Variants in FHOD3 observed in about 807,000 individuals in gnomAD.
The protein encoded by FHOD3 is FH1/FH2 domain-containing protein 3.
A neutral mutation model predicts 173.0 loss-of-function variants in FHOD3; 90 were observed. The ratio of observed to expected loss-of-function variants is 0.52; its 90% CI spans 0.44 to 0.62. The LOEUF (loss-of-function observed/expected upper bound fraction) is 0.62. FHOD3 is among the 20% of genes least tolerant of loss of function. The probability of loss-of-function intolerance (pLI) is 0.00; values close to 1 mark genes in which losing one functional copy is unlikely to be tolerated. For synonymous variants in FHOD3, 828 were observed against 823.0 expected, an observed-to-expected ratio of 1.01 and a Z score of -0.10; for missense variants, 1,945 against 2,034.7, an observed-to-expected ratio of 0.96 and a Z score of 0.85.
intron 16 of FHOD3, among the ~76,000 whole-genome samples, chr18:36,690,928 A>G (rs1324264945): frequency 6.6e-6 from 1 of 152,124 alleles, no homozygotes; most frequent in Non-Finnish European, 1.5e-5. Context: ...CTCTGCTTCT[A>G]CCATTTTTGT....
intron 28 of FHOD3, chr18:36,779,147 G>C: frequency 2.5e-6 from 1 of 404,224 alleles, no homozygotes; most frequent in South Asian, 4.0e-5. Flanking sequence ...CAGAAGCCTC[G>C]TGAGGGTGAG....
At chr18:36,627,918 T>C (rs753076557) in intron 10 of FHOD3, among the ~76,000 whole-genome samples, 67 of 152,324 alleles carry the variant, frequency 4.4e-4, no homozygotes, top group Non-Finnish European at 6.9e-4. Context: ...CTGCCTCATG[T>C]ACATATATGC....
intron 13 of FHOD3, among the ~76,000 whole-genome samples, chr18:36,657,398 C>A (rs548183105): frequency 2.2e-4 from 33 of 152,158 alleles, no homozygotes; most frequent in Admixed American, 3.9e-4. Flanking sequence ...AAACAGAAAT[C>A]TAGAATTTTA....
At chr18:36,451,630 C>A (rs1296972309) in intron 3 of FHOD3, among the ~76,000 whole-genome samples, 6 of 152,190 alleles carry the variant, frequency 3.9e-5, no homozygotes, top group Non-Finnish European at 8.8e-5. Flanking sequence ...CCTCCGGTGT[C>A]TTGGGTTCTG....
intron 3 of FHOD3, among the ~76,000 whole-genome samples, chr18:36,434,290 C>T (rs746158055): frequency 3.9e-5 from 6 of 152,128 alleles, no homozygotes; most frequent in Admixed American, 1.3e-4. Context: ...TATTAATAGT[C>T]GTTCAAACAC....
intron 3 of FHOD3, among the ~76,000 whole-genome samples, chr18:36,375,136 T>C (rs1354658737): frequency 1.3e-5 from 2 of 152,238 alleles, no homozygotes; most frequent in African/African-American, 4.8e-5. Context: ...TATTGTGACA[T>C]ATTCTTTCCC....
intron 23 of FHOD3, among the ~76,000 whole-genome samples, chr18:36,746,320 C>A (rs1412344725): frequency 6.6e-6 from 1 of 152,190 alleles, no homozygotes; most frequent in Non-Finnish European, 1.5e-5. Context: ...CCTGTGGGTA[C>A]AGTTAGCCTC....
At chr18:36,661,693 G>A (rs2036814923) in intron 14 of FHOD3, among the ~76,000 whole-genome samples, 1 of 152,108 alleles carries the variant, frequency 6.6e-6, no homozygotes, top group Non-Finnish European at 1.5e-5. Flanking sequence ...TCCCCAACAA[G>A]TATATTCATG....
At chr18:36,488,435 CCTGT>C (rs2054299037) in intron 3 of FHOD3, among the ~76,000 whole-genome samples, 1 of 152,168 alleles carries the variant, frequency 6.6e-6, no homozygotes, top group African/African-American at 2.4e-5. Flanking sequence ...CCAGCTGGGG[CCTGT>C]CTGAGCTCAG....
chr18:36,615,521 C>T (rs1253679720), intron 9 of FHOD3, among the ~76,000 whole-genome samples: 1 of 152,128 alleles, frequency 6.6e-6, no homozygotes, highest in Non-Finnish European at 1.5e-5. Context: ...TAGTAGTCTA[C>T]ATATAGTGTT....
At chr18:36,777,165 C>G (rs2043722831) in intron 28 of FHOD3, among the ~76,000 whole-genome samples, 1 of 150,436 alleles carries the variant, frequency 6.6e-6, no homozygotes, top group South Asian at 2.1e-4. Context: ...AGATGCCCAG[C>G]TAGTGCAGCA....
At chr18:36,394,018 A>C in intron 3 of FHOD3, among the ~76,000 whole-genome samples, 1 of 152,188 alleles carries the variant, frequency 6.6e-6, no homozygotes, top group East Asian at 1.9e-4. Flanking sequence ...CATGGGAGAA[A>C]AGACACACAG....
Position 36,652,696 on chromosome 18 carries a change from G to A in FHOD3, c.1413G>A (p.Gly471=), listed in dbSNP as rs1257222707. ...GKPLLVGTAG[G]TTWHSGSSGS... is the part of the protein sequence containing the mutation. Reference sequence around the variant, plus strand: ...CGCTTCTGGTTGGCACTGCAGGCGGGACCACCTGGCACAGTGGGTCCTCTG... The same window carrying A: ...CGCTTCTGGTTGGCACTGCAGGCGGAACCACCTGGCACAGTGGGTCCTCTG... The change falls in exon 12 of 29, where the codon GGG becomes GGA. Residue 471 remains glycine, a synonymous_variant. Coordinates refer to ENST00000590592, the MANE Select transcript of FHOD3 (RefSeq NM_001281740.3). 1 of 1,535,724 alleles carries A rather than the reference G, an allele frequency of 6.5e-7. No homozygotes were observed. Among genetic ancestry groups the A allele is most frequent in the East Asian group, 2.4e-5 (1 of 40,876 alleles).
chr18:36,368,858 A>C (rs1468070893), intron 2 of FHOD3, among the ~76,000 whole-genome samples: 2 of 152,144 alleles, frequency 1.3e-5, no homozygotes, highest in Admixed American at 1.3e-4. Flanking sequence ...CACTATCACA[A>C]GAACAGCATG....
At chr18:36,772,967 G>A (rs1299570551) in intron 28 of FHOD3, among the ~76,000 whole-genome samples, 4 of 152,236 alleles carry the variant, frequency 2.6e-5, no homozygotes, top group African/African-American at 2.4e-5. Context: ...CACAGGACAA[G>A]AGGATAAACA....
intron 5 of FHOD3, among the ~76,000 whole-genome samples, chr18:36,532,464 C>T (rs2056826926): frequency 6.6e-6 from 1 of 152,172 alleles, no homozygotes; most frequent in Admixed American, 6.5e-5. Context: ...TTTGGGCTGT[C>T]ATGCCCATAG....
chr18:36,400,451 C>T (rs1312879402), intron 3 of FHOD3, among the ~76,000 whole-genome samples: 1 of 152,182 alleles, frequency 6.6e-6, no homozygotes, highest in African/African-American at 2.4e-5. Flanking sequence ...ACTTTCCACT[C>T]AAAGTGTGGT....
chr18:36,452,002 C>T (rs2051880497), intron 3 of FHOD3, among the ~76,000 whole-genome samples: 1 of 152,082 alleles, frequency 6.6e-6, no homozygotes, highest in African/African-American at 2.4e-5. Context: ...CCCCCTTTGC[C>T]CTCCACAAGC....
intron 3 of FHOD3, among the ~76,000 whole-genome samples, chr18:36,457,611 A>G (rs1471706879): frequency 6.6e-6 from 1 of 151,434 alleles, no homozygotes; most frequent in African/African-American, 2.5e-5. Flanking sequence ...CTGATTCCAT[A>G]AGAGTTGACC....
Sources: gnomAD v4.1 joint callset for allele counts (sites outside exome capture counted in the v4.1 genomes callset) on GRCh38, gnomAD v4.1.1 for gene constraint, MANE v1.5 for transcripts, NCBI Gene and HGNC (gene_info 2026-07-23, HGNC 2026-07-21) for gene names.